SPOPL: variants seen among roughly 807,000 people sequenced by gnomAD.
SPOPL encodes speckle type BTB/POZ protein like, also known as speckle-type POZ protein-like.
A neutral mutation model predicts 53.8 loss-of-function variants in SPOPL; 23 were observed. The ratio of observed to expected loss-of-function variants is 0.43; its 90% confidence interval spans 0.31 to 0.61. The LOEUF (loss-of-function observed/expected upper bound fraction) is 0.61. Among genes scored for constraint, SPOPL ranks in the 20% least tolerant of loss-of-function variants. The probability of loss-of-function intolerance (pLI) is 0.12; values close to 1 mark genes in which losing one functional copy is unlikely to be tolerated. For missense variants in SPOPL, 442 were observed against 466.9 expected, an observed-to-expected ratio of 0.95 and a Z score of 0.49; for synonymous variants, 164 against 149.7, an observed-to-expected ratio of 1.10 and a Z score of -0.70.
intron 1 of SPOPL, among the ~76,000 whole-genome samples, chr2:138,538,305 G>T (rs1205140170): frequency 6.6e-6 from 1 of 151,968 alleles, no homozygotes; most frequent in African/African-American, 2.4e-5. Context: ...GGGTATTTCT[G>T]TCTCCAGCTA....
intron 1 of SPOPL, among the ~76,000 whole-genome samples, chr2:138,542,942 ATC>A (rs1685107088): frequency 6.6e-6 from 1 of 152,166 alleles, no homozygotes; most frequent in African/African-American, 2.4e-5. Flanking sequence ...TGGTGACAGA[ATC>A]TCTCAGCATT....
chr2:138,566,174 A>G (rs1685655462), intron 10 of SPOPL, among the ~76,000 whole-genome samples: 1 of 152,242 alleles, frequency 6.6e-6, no homozygotes, highest in South Asian at 2.1e-4. Flanking sequence ...AGTAAAAAGT[A>G]GTGACTACTT....
intron 8 of SPOPL, among the ~76,000 whole-genome samples, chr2:138,561,605 G>T (rs1375488042): frequency 6.6e-6 from 1 of 152,156 alleles, no homozygotes; most frequent in African/African-American, 2.4e-5. Flanking sequence ...TGGACCAAGT[G>T]TGTATATGGA....
intron 1 of SPOPL, among the ~76,000 whole-genome samples, chr2:138,540,552 T>A (rs192963202): frequency 1.3e-5 from 2 of 152,044 alleles, no homozygotes; most frequent in African/African-American, 4.8e-5. Context: ...CTGTCTGTTA[T>A]TGGTGTATAA....
intron 1 of SPOPL, among the ~76,000 whole-genome samples, chr2:138,510,994 A>G (rs1684312151): frequency 6.6e-6 from 1 of 152,198 alleles, no homozygotes; most frequent in African/African-American, 2.4e-5. Context: ...TTTGGTAGAA[A>G]AGCTCAAGTG....
At chr2:138,532,011 A>G (rs748567387) in intron 1 of SPOPL, among the ~76,000 whole-genome samples, 5 of 152,178 alleles carry the variant, frequency 3.3e-5, no homozygotes, top group Non-Finnish European at 5.9e-5. Context: ...CTATTTGTAC[A>G]TTTGATTTGT....
intron 1 of SPOPL, among the ~76,000 whole-genome samples, chr2:138,546,039 G>T (rs1685188307): frequency 6.6e-6 from 1 of 152,084 alleles, no homozygotes; most frequent in African/African-American, 2.4e-5. Flanking sequence ...AGGATGGTGG[G>T]TACATGATTG....
intron 5 of SPOPL, among the ~76,000 whole-genome samples, chr2:138,554,066 C>CA: frequency 7.9e-6 from 1 of 126,642 alleles, no homozygotes; most frequent in South Asian, 2.6e-4. Flanking sequence ...TAGAAAATAC[C>CA]TTTTTTTTTT....
At chr2:138,526,213 A>AC (rs1558866080) in intron 1 of SPOPL, among the ~76,000 whole-genome samples, 1 of 152,198 alleles carries the variant, frequency 6.6e-6, no homozygotes, top group Non-Finnish European at 1.5e-5. Context: ...AGTGGAATGG[A>AC]CCCACAGAGT....
At chr2:138,535,682 TA>T (rs956593530) in intron 1 of SPOPL, among the ~76,000 whole-genome samples, 1 of 151,652 alleles carries the variant, frequency 6.6e-6, no homozygotes, top group African/African-American at 2.4e-5. Flanking sequence ...TGCTTTTCAA[TA>T]AATTTGAGAA....
At chr2:138,562,129 G>GC (rs2104903446) in intron 8 of SPOPL, among the ~76,000 whole-genome samples, 1 of 151,576 alleles carries the variant, frequency 6.6e-6, no homozygotes, top group Admixed American at 6.6e-5. Context: ...GATAGTAGAC[G>GC]CAGCATGTTC....
In SPOPL at chr2:138,502,285, G is replaced by A. The variant is rs571959950; in HGVS notation, c.-61+166G>A. Among the ~76,000 whole-genome samples, 3 of 152,322 alleles carry A rather than the reference G, an allele frequency of 2.0e-5. No homozygotes were observed. In the South Asian group the frequency reaches 6.2e-4, roughly 32 times the overall value. On this transcript the variant is annotated intron_variant, in intron 1 of 10. Transcript: ENST00000280098. ...GCGGCGAGCTCCGGCCTGCTCTGGG[G>A]ACTACCTCCCACGCCCCCGGACCGC... is the stretch of plus-strand genomic sequence containing the variant.
At chr2:138,549,857 T>C (rs1685276318) in intron 1 of SPOPL, among the ~76,000 whole-genome samples, 3 of 152,114 alleles carry the variant, frequency 2.0e-5, no homozygotes, top group Admixed American at 2.0e-4. Context: ...TTCCATGATA[T>C]TTTGTGATTT....
intron 5 of SPOPL, among the ~76,000 whole-genome samples, chr2:138,557,172 G>A (rs1395691133): frequency 6.6e-6 from 1 of 151,746 alleles, no homozygotes; most frequent in Non-Finnish European, 1.5e-5. Context: ...AAAAAAAAAA[G>A]AATCTGGAGA....
At chr2:138,503,852 T>C (rs957904123) in intron 1 of SPOPL, among the ~76,000 whole-genome samples, 1 of 152,248 alleles carries the variant, frequency 6.6e-6, no homozygotes. Flanking sequence ...TTATCTTCAA[T>C]CACTACTCGA....
intron 4 of SPOPL, 42 bp downstream of exon 4, chr2:138,551,096 T>A: frequency 6.2e-7 from 1 of 1,603,828 alleles, no homozygotes; most frequent in Non-Finnish European, 8.5e-7. Context: ...TCTGTATAAC[T>A]ACATATTATG....
chr2:138,501,801 A>T lies in SPOPL; in HGVS notation c.-379A>T, dbSNP rs1471909766. 2 of 145,744 alleles carry T rather than the reference A, an allele frequency of 1.4e-5. No individual in the cohort carries two copies. The highest frequency in any genetic ancestry group is 2.9e-5 in the Non-Finnish European group (2 of 67,926). 9.0% of individuals were successfully genotyped at this position (145,744 alleles called of 1,614,324 possible). A position where few individuals can be genotyped will look rare whatever the true frequency, so the allele number is the denominator to read the frequency against. On this transcript the variant is annotated 5_prime_UTR_variant, in exon 1 of 11. Transcript: ENST00000280098. ...CCTCGCGGGCTGGAGCCGGGGCTGG[A>T]GTCGTAACTCGGAAGCCGGAGCCCA...
chr2:138,539,096 T>C (rs1476831023), intron 1 of SPOPL, among the ~76,000 whole-genome samples: 1 of 152,258 alleles, frequency 6.6e-6, no homozygotes, highest in African/African-American at 2.4e-5. Context: ...TTCTTATGGC[T>C]GCATAGTATT....
At position 138,573,201 on chromosome 2, in the gene SPOPL, TTAAAA is replaced by T. The variant is rs1352972482; in HGVS notation, c.*4126_*4130del. The T allele has an allele frequency of 6.6e-6, 1 of 152,280 alleles. No homozygotes were observed. Among genetic ancestry groups the T allele is most frequent in the African/African-American group, 2.4e-5 (1 of 41,566 alleles). The allele number at this position is 152,280 out of a possible 1,614,324, so 9.4% of individuals were successfully genotyped here. A position where few individuals can be genotyped will look rare whatever the true frequency, so the allele number is the denominator to read the frequency against. On this transcript the variant is annotated 3_prime_UTR_variant, in exon 11 of 11. Coordinates refer to ENST00000280098, the MANE Select transcript of SPOPL (RefSeq NM_001001664.3). ...ATTTTTTGCATTTCAACACATTGAG[TTAAAA>T]TAAAGTTGTTACTACTTATTCAAGA...
Sources: allele counts gnomAD v4.1 joint callset (sites outside exome capture counted in the v4.1 genomes callset), GRCh38; gene constraint gnomAD v4.1.1; transcripts MANE v1.5; gene names NCBI Gene and HGNC (gene_info 2026-07-23, HGNC 2026-07-21).